Variants in PLEK2 observed in about 807,000 individuals in gnomAD.
PLEK2 encodes pleckstrin 2.
PLEK2 carries 29 observed loss-of-function variants against 43.8 expected under a neutral mutation model. That is an observed-to-expected ratio of 0.66 (90% CI 0.49 to 0.90). The LOEUF is 0.90. PLEK2 is among the 40% of genes least tolerant of loss of function. The pLI, the probability that PLEK2 is intolerant of heterozygous loss-of-function variation, is 0.00. For missense variants in PLEK2, 398 were observed against 448.1 expected, an observed-to-expected ratio of 0.89 and a Z score of 1.01; for synonymous variants, 162 against 173.2, an observed-to-expected ratio of 0.94 and a Z score of 0.51.
intron 1 of PLEK2, among the ~76,000 whole-genome samples, chr14:67,402,381 TG>T (rs1185544418): frequency 2.0e-5 from 3 of 152,198 alleles, no homozygotes; most frequent in Admixed American, 2.0e-4. Flanking sequence ...TTATGGAGAA[TG>T]GGGTATCCAT....
chr14:67,410,429 A>G (rs2086109159), intron 1 of PLEK2, among the ~76,000 whole-genome samples: 1 of 152,162 alleles, frequency 6.6e-6, no homozygotes, highest in Non-Finnish European at 1.5e-5. Context: ...ATGTGAGATT[A>G]GGAGCTCCCC....
rs554788103 is a variant in PLEK2 at position 67,404,433 on chromosome 14, G to C, written c.43-6607C>G. On this transcript the variant is annotated intron_variant, in intron 1 of 8. Transcript: ENST00000216446. ...CGCCTAAAAGTTCAAGTCCAGCCTG[G>C]GCAACATAGTGAGACCCTGTCTCAA... Among the ~76,000 whole-genome samples, 293 of 152,026 alleles carry C rather than the reference G, an allele frequency of 1.9e-3. 2 individuals carry two copies. The highest frequency in any genetic ancestry group is 6.9e-3 in the African/African-American group (286 of 41,490).
In PLEK2 at chr14:67,392,838, C is replaced by T; in HGVS notation, c.493G>A (p.Val165Met). The T allele has an allele frequency of 1.9e-6, 3 of 1,610,560 alleles. No homozygotes were observed. Among genetic ancestry groups the T allele is most frequent in the Non-Finnish European group, 2.5e-6 (3 of 1,177,640 alleles). Residue 165 changes from valine to methionine, a missense_variant, in exon 5 of 9, where the codon GTG becomes ATG. By Grantham distance (21) the Val-to-Met change is conservative. Coordinates refer to ENST00000216446, the MANE Select transcript of PLEK2 (RefSeq NM_016445.3). ...YKKTFLGSSLVDWLISNSFTA... is the reference protein window; with the variant it reads ...YKKTFLGSSLMDWLISNSFTA... ...AAGCTGTTGGAGATGAGCCAGTCCACCAGGGAGGAGCCTGGCCAAGGGCAG... is the reference window on the plus strand; with the variant it reads ...AAGCTGTTGGAGATGAGCCAGTCCATCAGGGAGGAGCCTGGCCAAGGGCAG...
Position 67,392,334 on chromosome 14 carries a change from C to T in PLEK2, c.763G>A (p.Ala255Thr). ...SGTVVKQGYL[A>T]KQGHKRKNWK... Reference sequence around the variant, plus strand: ...GCTCATAGCAGCCATACCTGCTTGGCCAGGTAGCCTTGTTTCACCACCGTG... The same window carrying T: ...GCTCATAGCAGCCATACCTGCTTGGTCAGGTAGCCTTGTTTCACCACCGTG... The change falls in exon 6 of 9, where the codon GCC becomes ACC. Residue 255 changes from alanine (A) to threonine (T), a missense_variant. Ala to Thr is a moderately conservative substitution (Grantham distance 58, BLOSUM62 0). Transcript: ENST00000216446. 1 of 1,597,572 alleles carries T rather than the reference C, an allele frequency of 6.3e-7. No homozygotes were observed. The highest frequency in any genetic ancestry group is 8.6e-7 in the Non-Finnish European group (1 of 1,164,872).
At position 67,387,078 on chromosome 14, in the gene PLEK2, T is replaced by C. The variant is rs748302503; in HGVS notation, c.*251A>G. The C allele has an allele frequency of 1.2e-4, 38 of 318,986 alleles. No homozygotes were observed. Among genetic ancestry groups the C allele is most frequent in the Non-Finnish European group, 1.8e-4 (32 of 175,656 alleles). The allele number at this position is 318,986 out of a possible 1,614,324, so 19.8% of individuals were successfully genotyped here. A position where few individuals can be genotyped will look rare whatever the true frequency, so the allele number is the denominator to read the frequency against. On this transcript the variant is annotated 3_prime_UTR_variant, in exon 9 of 9. Transcript: ENST00000216446. ...TTTGGTGCCCGAGGAAATGGCTGTT[T>C]GTGATGCTGGGGAAAAGTCAAGATG... is the stretch of plus-strand genomic sequence containing the variant.
intron 5 of PLEK2, 103 bp from the exon 6 acceptor site, chr14:67,392,530 A>G (rs778746448): frequency 8.2e-7 from 1 of 1,215,334 alleles, no homozygotes; most frequent in Non-Finnish European, 1.2e-6. Context: ...CAGGAACCTC[A>G]TTCTGCATCA....
At chr14:67,400,284 ACT>A (rs2086039053) in intron 1 of PLEK2, among the ~76,000 whole-genome samples, 1 of 152,136 alleles carries the variant, frequency 6.6e-6, no homozygotes, top group Non-Finnish European at 1.5e-5. Flanking sequence ...CGTGATGATC[ACT>A]CTGTTTCCAT....
rs372165036 is a variant in PLEK2, at chr14:67,397,816, A to T, written c.53T>A (p.Val18Asp). 1.2e-6 allele frequency: 2 copies of T among 1,610,864 alleles called. No homozygotes were observed. The highest frequency in any genetic ancestry group is 1.7e-6 in the Non-Finnish European group (2 of 1,178,452). ...GAACCATCGCGCCTTCCAGTTGTGG[A>T]CAATGTGGCCCTATGGACAGACAAG... is the stretch of plus-strand genomic sequence containing the variant. ...EGFLVKRGHIVHNWKARWFIL... is the reference protein window; with the variant it reads ...EGFLVKRGHIDHNWKARWFIL... Residue 18 changes from valine (V) to aspartate (D), a missense_variant, in exon 2 of 9, where the codon GTC becomes GAC. Transcript: ENST00000216446.
intron 8 of PLEK2, 121 bp downstream of exon 8, chr14:67,388,101 ACT>A (rs2085939777): frequency 3.1e-6 from 2 of 640,602 alleles, no homozygotes; most frequent in East Asian, 2.7e-5. Context: ...AACTCACACC[ACT>A]CTGTCTCATG....
intron 2 of PLEK2, among the ~76,000 whole-genome samples, chr14:67,396,766 G>T (rs1313356820): frequency 6.6e-6 from 1 of 152,238 alleles, no homozygotes; most frequent in Admixed American, 6.5e-5. Context: ...GTTTTCTGCA[G>T]CTCCTGATAG....
intron 1 of PLEK2, among the ~76,000 whole-genome samples, chr14:67,404,552 G>C (rs925503751): frequency 7.2e-5 from 11 of 152,126 alleles, no homozygotes; most frequent in Non-Finnish European, 2.9e-5. Context: ...ATTCACACCT[G>C]TAATCCCAGC....
At chr14:67,395,702 C>T in intron 2 of PLEK2, 119 bp from the exon 3 acceptor site, 1 of 720,656 alleles carries the variant, frequency 1.4e-6, no homozygotes, top group East Asian at 2.6e-5. Flanking sequence ...TGCCCTGAGC[C>T]CTCGGCCACA....
intron 1 of PLEK2, among the ~76,000 whole-genome samples, chr14:67,398,677 T>G (rs973449632): frequency 6.6e-6 from 1 of 151,444 alleles, no homozygotes; most frequent in African/African-American, 2.4e-5. Flanking sequence ...CCTAAACTAC[T>G]TCCCGAGTGG....
At chr14:67,409,033 G>C (rs1393321912) in intron 1 of PLEK2, among the ~76,000 whole-genome samples, 1 of 146,628 alleles carries the variant, frequency 6.8e-6, no homozygotes, top group Non-Finnish European at 1.5e-5. Context: ...TGGGCAACAT[G>C]GTGAGACATT....
At chr14:67,391,634 G>T (rs561941518) in intron 6 of PLEK2, among the ~76,000 whole-genome samples, 1 of 152,188 alleles carries the variant, frequency 6.6e-6, no homozygotes, top group African/African-American at 2.4e-5. Context: ...ACATTCACAT[G>T]GTATACAATA....
intron 2 of PLEK2, 42 bp from the exon 3 acceptor site, chr14:67,395,625 G>A: frequency 6.3e-7 from 1 of 1,579,690 alleles, no homozygotes; most frequent in Non-Finnish European, 8.7e-7. Context: ...CTCAGGCAGA[G>A]CAAGAGGACG....
At chr14:67,392,509 A>G in intron 5 of PLEK2, 82 bp from the exon 6 acceptor site, 1 of 1,286,460 alleles carries the variant, frequency 7.8e-7, no homozygotes, top group Non-Finnish European at 1.1e-6. Context: ...GGGAAAGGAA[A>G]TTCCTCAGGA....
intron 1 of PLEK2, among the ~76,000 whole-genome samples, chr14:67,411,678 C>G (rs2086116069): frequency 6.6e-6 from 1 of 152,178 alleles, no homozygotes; most frequent in Non-Finnish European, 1.5e-5. Context: ...CAGAGCACGC[C>G]TATATTATCT....
In PLEK2 at chr14:67,397,760, T is replaced by TGTAGTACACCAGCGTGTTCTGCC. The variant is rs1302433501; in HGVS notation, c.86_108dup (p.Lys37GlyfsTer16). ...GTCACTCTCCGACCCCCCTCAAGCTTGTAGTACACCAGCGTGTTCTGCCGA... is the reference window on the plus strand; with the variant it reads ...GTCACTCTCCGACCCCCCTCAAGCTTGTAGTACACCAGCGTGTTCTGCCGTAGTACACCAGCGTGTTCTGCCGA... On this transcript the variant is annotated frameshift_variant, in exon 2 of 9. Coordinates refer to ENST00000216446, the MANE Select transcript of PLEK2 (RefSeq NM_016445.3). LOFTEE classifies it high-confidence loss of function. The TGTAGTACACCAGCGTGTTCTGCC allele has an allele frequency of 6.2e-7, 1 of 1,613,380 alleles. No homozygotes were observed. Among genetic ancestry groups the TGTAGTACACCAGCGTGTTCTGCC allele is most frequent in the Non-Finnish European group, 8.5e-7 (1 of 1,179,726 alleles).
Sources: gnomAD v4.1 joint callset for allele counts (sites outside exome capture counted in the v4.1 genomes callset) on GRCh38, gnomAD v4.1.1 for gene constraint, MANE v1.5 for transcripts, NCBI Gene and HGNC (gene_info 2026-07-23, HGNC 2026-07-21) for gene names.